Variants in SNX29 observed in about 807,000 individuals in gnomAD.
SNX29 encodes sorting nexin 29.
In SNX29, 78 loss-of-function variants were observed where a neutral mutation model predicts 102.1. That is an observed-to-expected ratio of 0.76 (90% confidence interval 0.64 to 0.92). The LOEUF is 0.92. Ranked by LOEUF, SNX29 falls within the 40% of genes least tolerant of loss-of-function variation. SNX29 has a pLI of 0.00. For synonymous variants in SNX29, 580 were observed against 414.5 expected, an observed-to-expected ratio of 1.40 and a Z score of -4.85; for missense variants, 1,280 against 1,061.7, an observed-to-expected ratio of 1.21 and a Z score of -2.86.
chr16:12,177,983 G>T (rs1043640640), intron 13 of SNX29, among the ~76,000 whole-genome samples: 2 of 152,218 alleles, frequency 1.3e-5, no homozygotes, highest in African/African-American at 4.8e-5. Context: ...TGCAGAGATG[G>T]TTAGCTGGCT....
intron 14 of SNX29, among the ~76,000 whole-genome samples, chr16:12,255,302 T>C (rs1336710788): frequency 6.6e-6 from 1 of 152,108 alleles, no homozygotes; most frequent in Non-Finnish European, 1.5e-5. Flanking sequence ...TTCAAGTGAT[T>C]CTCCTGCCTC....
At chr16:12,344,636 A>G (rs948422315) in intron 15 of SNX29, among the ~76,000 whole-genome samples, 13 of 152,232 alleles carry the variant, frequency 8.5e-5, no homozygotes, top group African/African-American at 2.9e-4. Flanking sequence ...TAACACAAGG[A>G]TGGGGCTTAG....
In SNX29 at chr16:12,563,782, TCTGAAGACTGC is replaced by T. The variant is rs557416370; in HGVS notation, c.2319-4723_2319-4713del. ...TTCTCCACCCTTGTCTGCCGACCTGTCTGAAGACTGCAACACCCACCCATTTGCTGCTTTTT... is the reference window on the plus strand; with the variant it reads ...TTCTCCACCCTTGTCTGCCGACCTGTAACACCCACCCATTTGCTGCTTTTT... On this transcript the variant is annotated intron_variant, in intron 20 of 20. Transcript: ENST00000566228. Among the ~76,000 whole-genome samples, 1,279 of 152,368 alleles carry T rather than the reference TCTGAAGACTGC, an allele frequency of 8.4e-3. 6 individuals are homozygous for T. The highest frequency in any genetic ancestry group is 0.014 in the Non-Finnish European group (945 of 68,034).
At chr16:12,217,516 A>T (rs532206261) in intron 14 of SNX29, among the ~76,000 whole-genome samples, 3 of 152,188 alleles carry the variant, frequency 2.0e-5, no homozygotes, top group Non-Finnish European at 4.4e-5. Flanking sequence ...GACAGGTAGT[A>T]CAGGTAGTAT....
intron 20 of SNX29, among the ~76,000 whole-genome samples, chr16:12,566,973 C>A (rs1026775573): frequency 6.6e-6 from 1 of 152,364 alleles, no homozygotes; most frequent in Admixed American, 6.5e-5. Context: ...CTCACTCGCA[C>A]AGTGGCCATG....
At chr16:11,985,644 C>G (rs1328682586) in intron 1 of SNX29, among the ~76,000 whole-genome samples, 2 of 152,132 alleles carry the variant, frequency 1.3e-5, no homozygotes, top group African/African-American at 4.8e-5. Context: ...GACCATAAGT[C>G]TAGTCTGGAG....
At chr16:12,284,570 A>G (rs2079533890) in intron 15 of SNX29, among the ~76,000 whole-genome samples, 1 of 152,184 alleles carries the variant, frequency 6.6e-6, no homozygotes, top group Admixed American at 6.5e-5. Context: ...TTAACTCTGG[A>G]GTTGTATAAG....
intron 20 of SNX29, among the ~76,000 whole-genome samples, chr16:12,537,474 A>G (rs1246674964): frequency 2.7e-5 from 4 of 149,074 alleles, no homozygotes; most frequent in East Asian, 1.9e-4. Flanking sequence ...ATCCTCATCT[A>G]TAAAATTGGT....
At chr16:12,364,923 G>A (rs1183594554) in intron 16 of SNX29, among the ~76,000 whole-genome samples, 1 of 152,078 alleles carries the variant, frequency 6.6e-6, no homozygotes, top group Non-Finnish European at 1.5e-5. Context: ...TGTTTGATGA[G>A]GGAACCACCC....
intron 20 of SNX29, among the ~76,000 whole-genome samples, chr16:12,549,521 C>A (rs1329388301): frequency 1.0e-5 from 1 of 98,566 alleles, no homozygotes; most frequent in Non-Finnish European, 1.9e-5. Context: ...CATTTTTCAT[C>A]CTCTATCTCA....
At chr16:12,529,843 C>T (rs951195659) in intron 20 of SNX29, among the ~76,000 whole-genome samples, 1 of 152,212 alleles carries the variant, frequency 6.6e-6, no homozygotes, top group Non-Finnish European at 1.5e-5. Context: ...AGCTGCTTTG[C>T]AAGTCACTGC....
At chr16:12,134,563 G>A (rs1033442593) in intron 13 of SNX29, among the ~76,000 whole-genome samples, 1 of 152,198 alleles carries the variant, frequency 6.6e-6, no homozygotes, top group Non-Finnish European at 1.5e-5. Context: ...CCCAGGGTGC[G>A]TAACCCAGGA....
intron 20 of SNX29, among the ~76,000 whole-genome samples, chr16:12,564,850 A>G (rs972181216): frequency 6.6e-6 from 1 of 151,590 alleles, no homozygotes; most frequent in African/African-American, 2.4e-5. Flanking sequence ...GCAGCTAACA[A>G]GGGCTATGAG....
At chr16:12,014,404 A>C (rs2056778700) in intron 3 of SNX29, among the ~76,000 whole-genome samples, 1 of 152,040 alleles carries the variant, frequency 6.6e-6, no homozygotes, top group African/African-American at 2.4e-5. Context: ...TGTCTATACC[A>C]GGGAGGACAA....
chr16:12,408,736 C>G (rs1191442141), intron 18 of SNX29, among the ~76,000 whole-genome samples: 1 of 152,226 alleles, frequency 6.6e-6, no homozygotes, highest in Non-Finnish European at 1.5e-5. Context: ...AGGAGACTCA[C>G]TTAAACCTGG....
intron 18 of SNX29, among the ~76,000 whole-genome samples, chr16:12,454,994 C>T (rs897220094): frequency 7.2e-5 from 11 of 152,252 alleles, no homozygotes; most frequent in South Asian, 4.1e-4. Context: ...GTGATCCACC[C>T]GCCTCGGCCT....
chr16:12,549,713 A>T (rs1007333422), intron 20 of SNX29, among the ~76,000 whole-genome samples: 1 of 152,224 alleles, frequency 6.6e-6, no homozygotes, highest in African/African-American at 2.4e-5. Context: ...TGGGGCCAGG[A>T]GAGTCACCCT....
At chr16:12,392,596 A>G (rs1480258017) in intron 16 of SNX29, among the ~76,000 whole-genome samples, 3 of 152,234 alleles carry the variant, frequency 2.0e-5, no homozygotes, top group African/African-American at 7.2e-5. Flanking sequence ...GGAAAAACAA[A>G]TGTGTCAAAA....
In SNX29 at chr16:12,492,913, A is replaced by G. The variant is rs1281700752; in HGVS notation, c.2178+15054A>G. ...ATATTTCTGTTTTGGTACCAGTAAA[A>G]TGCTGTTTTGGTTACTGTAGCCTTG... On this transcript the variant is annotated intron_variant, in intron 19 of 20. Coordinates refer to ENST00000566228, the MANE Select transcript of SNX29 (RefSeq NM_032167.5). 2.0e-5 allele frequency among the ~76,000 whole-genome samples: 3 copies of G among 152,330 alleles called. No homozygotes were observed. The East Asian group carries it at 5.8e-4, about 29-fold the overall frequency.
Sources: allele counts gnomAD v4.1 joint callset (sites outside exome capture counted in the v4.1 genomes callset), GRCh38; gene constraint gnomAD v4.1.1; transcripts MANE v1.5; gene names NCBI Gene and HGNC (gene_info 2026-07-23, HGNC 2026-07-21).